The following CD55 variants were observed in gnomAD, a reference collection of about 807,000 sequenced individuals.
CD55 encodes the protein complement decay-accelerating factor.
CD55 carries 41 observed loss-of-function variants against 45.8 expected under a neutral mutation model. The ratio of observed to expected loss-of-function variants is 0.90; its 90% CI spans 0.70 to 1.16. The LOEUF (loss-of-function observed/expected upper bound fraction) is 1.16. Among genes scored for constraint, CD55 ranks in the 50% most tolerant of loss-of-function variants. The pLI is 0.00. For synonymous variants in CD55, 181 were observed against 181.1 expected, an observed-to-expected ratio of 1.00 and a Z score of 0.01; for missense variants, 416 against 469.8, an observed-to-expected ratio of 0.89 and a Z score of 1.06.
chr1:207,331,474 TAC>T (rs5780384), intron 6 of CD55, among the ~76,000 whole-genome samples, 178 bp downstream of exon 6: 103,940 of 151,444 alleles, frequency 0.69, 36,077 homozygotes, highest in Middle Eastern at 0.82. Context: ...ATGGCTTGTA[TAC>T]ACACACACAC....
At chr1:207,352,712 A>G (rs888919033) in intron 9 of CD55, among the ~76,000 whole-genome samples, 6 of 152,188 alleles carry the variant, frequency 3.9e-5, no homozygotes, top group Non-Finnish European at 7.4e-5. Flanking sequence ...TAAAAGTTGA[A>G]TAAATATTAG....
intron 6 of CD55, among the ~76,000 whole-genome samples, chr1:207,331,547 T>C (rs1654948044): frequency 6.6e-6 from 1 of 152,156 alleles, no homozygotes; most frequent in Admixed American, 6.5e-5. Flanking sequence ...TTTTGGCAAA[T>C]TTGCTTACAT....
intron 9 of CD55, chr1:207,347,272 T>G (rs1655679969): frequency 1.1e-5 from 5 of 450,062 alleles, no homozygotes; most frequent in Non-Finnish European, 2.2e-5. Flanking sequence ...CACATTTTTT[T>G]TTTTTTAGAC....
chr1:207,335,596 A>G (rs1014920006), intron 6 of CD55, among the ~76,000 whole-genome samples: 6 of 152,232 alleles, frequency 3.9e-5, no homozygotes, highest in Non-Finnish European at 7.3e-5. Flanking sequence ...CTTAGAATGA[A>G]AAGTTCATAA....
intron 4 of CD55, 55 bp from the exon 5 acceptor site, chr1:207,326,696 GA>G: frequency 3.1e-6 from 4 of 1,292,596 alleles, no homozygotes; most frequent in Non-Finnish European, 4.5e-6. Context: ...AGAATTTGAG[GA>G]AAGTCAAATA....
intron 9 of CD55, among the ~76,000 whole-genome samples, chr1:207,357,761 G>C (rs945341420): frequency 6.6e-6 from 1 of 152,040 alleles, no homozygotes; most frequent in African/African-American, 2.4e-5. Context: ...TCCTCGGTTG[G>C]GGGGCAGGGT....
intron 9 of CD55, among the ~76,000 whole-genome samples, chr1:207,348,553 AT>A (rs951250159): frequency 2.0e-5 from 3 of 152,180 alleles, no homozygotes; most frequent in Admixed American, 1.3e-4. Context: ...TTTTTTTGCC[AT>A]GCAGAAGCAC....
At chr1:207,322,685 T>TATA (rs1491388879) in intron 2 of CD55, 118 bp downstream of exon 2, 8 of 858,674 alleles carry the variant, frequency 9.3e-6, no homozygotes, top group African/African-American at 1.7e-5. Flanking sequence ...AACCCCAGGG[T>TATA]ATACCCTGTT....
At chr1:207,352,635 G>A (rs1343720004) in intron 9 of CD55, among the ~76,000 whole-genome samples, 8 of 152,104 alleles carry the variant, frequency 5.3e-5, no homozygotes, top group Non-Finnish European at 1.2e-4. Context: ...GATAGAGATT[G>A]TGATTCCTAT....
chr1:207,323,551 G>T (rs28371597), intron 2 of CD55, among the ~76,000 whole-genome samples: 32,649 of 151,896 alleles, frequency 0.21, 3,666 homozygotes, highest in Middle Eastern at 0.25. Flanking sequence ...AAAAAAATCT[G>T]TTACTTACAT....
At chr1:207,322,197 T>A (rs1333847637) in intron 1 of CD55, 185 bp from the exon 2 acceptor site, 7 of 720,522 alleles carry the variant, frequency 9.7e-6, no homozygotes, top group Admixed American at 4.0e-5. Flanking sequence ...TCTAAAAGGA[T>A]GGGAGGCCAG....
chr1:207,348,452 G>A (rs557704198), intron 9 of CD55, among the ~76,000 whole-genome samples: 1 of 152,052 alleles, frequency 6.6e-6, no homozygotes, highest in African/African-American at 2.4e-5. Context: ...AAGTTCCTTA[G>A]AGATTTTGAA....
chr1:207,358,831 TATC>T (rs985647217), intron 9 of CD55, among the ~76,000 whole-genome samples: 3 of 152,204 alleles, frequency 2.0e-5, no homozygotes, highest in African/African-American at 7.2e-5. Flanking sequence ...CAGTAATGCT[TATC>T]ATCTCATCCT....
chr1:207,329,189 A>T (rs6700168), intron 5 of CD55, among the ~76,000 whole-genome samples: 1 of 151,998 alleles, frequency 6.6e-6, no homozygotes, highest in African/African-American at 2.4e-5. Flanking sequence ...GGAATGGAGG[A>T]GAAGTCGTAG....
chr1:207,340,611 A>AT (rs993956633), intron 9 of CD55: 2 of 679,842 alleles, frequency 2.9e-6, no homozygotes, highest in South Asian at 1.6e-5. Flanking sequence ...GCCGTAAGCG[A>AT]TTTTTCCGGC....
chr1:207,330,218 T>C (rs987224647), intron 5 of CD55, among the ~76,000 whole-genome samples: 5 of 152,198 alleles, frequency 3.3e-5, no homozygotes, highest in African/African-American at 1.2e-4. Flanking sequence ...GCTGCTTGTT[T>C]TGATCCAAGA....
rs569988536 is a variant in CD55, at chr1:207,351,312, T to C, written c.1082-8234T>C. Among the ~76,000 whole-genome samples the C allele has an allele frequency of 2.0e-5, 3 of 152,322 alleles. No individual in the cohort carries two copies. In the South Asian group the frequency reaches 6.2e-4, roughly 32 times the overall value. On this transcript the variant is annotated intron_variant, in intron 9 of 9. Coordinates refer to ENST00000367064, the MANE Select transcript of CD55 (RefSeq NM_000574.5). Reference sequence around the variant, plus strand: ...GCTATGTGCAGATGAGAAGAATGTATATCCTGTTGTTCTTGGGTGTAATGT... The same window carrying C: ...GCTATGTGCAGATGAGAAGAATGTACATCCTGTTGTTCTTGGGTGTAATGT...
chr1:207,336,851 A>T, intron 7 of CD55, 33 bp downstream of exon 7: 1 of 1,612,636 alleles, frequency 6.2e-7, no homozygotes, highest in Non-Finnish European at 8.5e-7. Context: ...TCAAAAACAC[A>T]CCACAGAAAA....
chr1:207,343,029 C>G (rs1272761312), intron 9 of CD55, among the ~76,000 whole-genome samples: 1 of 152,036 alleles, frequency 6.6e-6, no homozygotes, highest in African/African-American at 2.4e-5. Context: ...TCTGTGGTAT[C>G]AGTTGTAATG....
Sources: gnomAD v4.1 joint callset for allele counts (sites outside exome capture counted in the v4.1 genomes callset) on GRCh38, gnomAD v4.1.1 for gene constraint, MANE v1.5 for transcripts, NCBI Gene and HGNC (gene_info 2026-07-23, HGNC 2026-07-21) for gene names.